NCOA2: variants seen among roughly 807,000 people sequenced by gnomAD.
NCOA2 encodes the protein class E basic helix-loop-helix protein 75.
Under a neutral mutation model 145.1 loss-of-function variants are expected in NCOA2, and 21 were observed. The ratio of observed to expected loss-of-function variants is 0.14; its 90% CI spans 0.10 to 0.21. The LOEUF (loss-of-function observed/expected upper bound fraction) is 0.21, where lower values mean the gene tolerates loss of function less well. Among genes scored for constraint, NCOA2 ranks in the 10% least tolerant of loss-of-function variants. NCOA2 has a pLI of 1.00. For synonymous variants in NCOA2, 619 were observed against 637.5 expected (o/e 0.97, Z 0.44); for missense variants, 1,472 against 1,837.6 (o/e 0.80, Z 3.64).
At chr8:70,179,169 T>A (rs1353899673) in intron 4 of NCOA2, among the ~76,000 whole-genome samples, 1 of 152,210 alleles carries the variant, frequency 6.6e-6, no homozygotes, top group African/African-American at 2.4e-5. Context: ...ATGAAACATA[T>A]GTATTTTCTA....
In NCOA2 at chr8:70,403,793, C is replaced by G. The variant is rs545542811; in HGVS notation, c.-170G>C. The G allele has an allele frequency of 1.0e-5, 4 of 397,832 alleles. No homozygotes were observed. Among genetic ancestry groups the G allele is most frequent in the Non-Finnish European group, 1.8e-5 (4 of 225,566 alleles). The allele number at this position is 397,832 out of a possible 1,614,324, so 24.6% of individuals were successfully genotyped here. On this transcript the variant is annotated 5_prime_UTR_variant, in exon 1 of 23. Coordinates refer to ENST00000452400, the MANE Select transcript of NCOA2 (RefSeq NM_006540.4). The stretch of plus-strand genomic sequence containing the variant: ...GCCGAGGCTGCGGCCGCCATGTTCC[C>G]GTGTTAATAACTGCTGCCTGGTTGT...
At chr8:70,384,422 G>T (rs1050257657) in intron 1 of NCOA2, among the ~76,000 whole-genome samples, 2 of 152,104 alleles carry the variant, frequency 1.3e-5, no homozygotes, top group East Asian at 1.9e-4. Context: ...CTCAAAAGGG[G>T]TTTTATTTTA....
intron 2 of NCOA2, chr8:70,245,223 C>T (rs565494918): frequency 2.3e-4 from 35 of 152,182 alleles, no homozygotes; most frequent in African/African-American, 7.2e-4. Context: ...AGCACCCCGC[C>T]GCTTATCTCC....
At chr8:70,121,507 G>T in intron 21 of NCOA2, 116 bp from the exon 22 acceptor site, 1 of 716,386 alleles carries the variant, frequency 1.4e-6, no homozygotes, top group South Asian at 1.6e-5. Context: ...CGGGGAAAAG[G>T]AACTGCAGAA....
intron 1 of NCOA2, among the ~76,000 whole-genome samples, chr8:70,306,196 C>A (rs1404306896): frequency 6.6e-6 from 1 of 152,164 alleles, no homozygotes; most frequent in Non-Finnish European, 1.5e-5. Context: ...ACTTAGAAAT[C>A]ACGTTTCAAC....
Position 70,400,206 on chromosome 8 carries a change from A to C in NCOA2, c.-77+3494T>G, listed in dbSNP as rs1242006198. 4.6e-5 allele frequency among the ~76,000 whole-genome samples: 7 copies of C among 152,200 alleles called. No individual in the cohort carries two copies. The East Asian group carries it at 1.3e-3, about 29-fold the overall frequency. On this transcript the variant is annotated intron_variant, in intron 1 of 22. Coordinates refer to ENST00000452400, the MANE Select transcript of NCOA2 (RefSeq NM_006540.4). ...CTACTCAAAACATAATAAATCCGTA[A>C]TTGGTGAGCTCCTTTTCTACCCTCC...
intron 1 of NCOA2, among the ~76,000 whole-genome samples, chr8:70,321,033 C>T (rs1806010192): frequency 6.6e-6 from 1 of 152,118 alleles, no homozygotes; most frequent in African/African-American, 2.4e-5. Flanking sequence ...GTGTTTTAAA[C>T]CTTCAATAAT....
chr8:70,176,740 G>C (rs1814893992), intron 4 of NCOA2, among the ~76,000 whole-genome samples: 1 of 152,168 alleles, frequency 6.6e-6, no homozygotes, highest in African/African-American at 2.4e-5. Context: ...AATAGGATTT[G>C]TACTGCTACC....
intron 5 of NCOA2, among the ~76,000 whole-genome samples, chr8:70,172,352 A>C (rs1814350469): frequency 6.6e-6 from 1 of 152,142 alleles, no homozygotes; most frequent in Non-Finnish European, 1.5e-5. Flanking sequence ...CTTTTTCCCT[A>C]GTTTGTTTTT....
chr8:70,400,394 T>G (rs558295428), intron 1 of NCOA2, among the ~76,000 whole-genome samples: 1 of 151,928 alleles, frequency 6.6e-6, no homozygotes, highest in Admixed American at 6.6e-5. Context: ...GAGGTTTTTT[T>G]CCCCCCAAGC....
intron 2 of NCOA2, among the ~76,000 whole-genome samples, chr8:70,257,180 T>C (rs1338624465): frequency 6.6e-6 from 1 of 152,168 alleles, no homozygotes; most frequent in Non-Finnish European, 1.5e-5. Context: ...GAGTCCCAAA[T>C]CCTTGGTTTT....
chr8:70,456,188 A>T, the NCOA2 span, among the ~76,000 whole-genome samples: 4 of 152,130 alleles, frequency 2.6e-5, no homozygotes, highest in African/African-American at 9.7e-5. Context: ...CTGCACCTAT[A>T]AAAGGAGGGA....
chr8:70,177,888 T>G (rs1815044857), intron 4 of NCOA2, among the ~76,000 whole-genome samples: 1 of 152,180 alleles, frequency 6.6e-6, no homozygotes, highest in Non-Finnish European at 1.5e-5. Context: ...TAGTAATGAA[T>G]TATTGTTTCC....
At position 70,218,199 on chromosome 8, in the gene NCOA2, G is replaced by GTTTT. The variant is rs34322124; in HGVS notation, c.-19-1439_-19-1436dup. 3.1e-3 allele frequency among the ~76,000 whole-genome samples: 414 copies of GTTTT among 133,810 alleles called. 7 individuals are homozygous for GTTTT. The highest frequency in any genetic ancestry group is 0.01 in the African/African-American group (360 of 35,048). 87.8% of individuals were successfully genotyped at this position (133,810 alleles called of 152,430 possible). A position where few individuals can be genotyped will look rare whatever the true frequency, so the allele number is the denominator to read the frequency against. On this transcript the variant is annotated intron_variant, in intron 2 of 22. Coordinates refer to ENST00000452400, the MANE Select transcript of NCOA2 (RefSeq NM_006540.4). ...CTGATACAATAGCGCAGTGGAGTTA[G>GTTTT]TTTTTTTTTTTTTTTTTTTAAAGAG...
chr8:70,234,497 C>CA (rs962337720), intron 2 of NCOA2, among the ~76,000 whole-genome samples: 1 of 151,516 alleles, frequency 6.6e-6, no homozygotes, highest in Non-Finnish European at 1.5e-5. Context: ...AAGGATTCCA[C>CA]TTTTTTTTTC....
At chr8:70,202,961 G>A (rs945361130) in intron 4 of NCOA2, among the ~76,000 whole-genome samples, 2 of 152,128 alleles carry the variant, frequency 1.3e-5, no homozygotes, top group Non-Finnish European at 2.9e-5. Flanking sequence ...GGGAGGCTGA[G>A]GTGGCCGGAT....
At chr8:70,161,203 C>A (rs1256164317) in intron 9 of NCOA2, among the ~76,000 whole-genome samples, 1 of 152,216 alleles carries the variant, frequency 6.6e-6, no homozygotes, top group Non-Finnish European at 1.5e-5. Flanking sequence ...TGGGTCCCAT[C>A]TGTTTAAATC....
intron 2 of NCOA2, among the ~76,000 whole-genome samples, chr8:70,236,610 G>T (rs777957871): frequency 2.0e-5 from 3 of 151,884 alleles, no homozygotes; most frequent in Non-Finnish European, 2.9e-5. Flanking sequence ...TATACAGCTG[G>T]CCCTCTCCGT....
chr8:70,184,214 C>T (rs971453744), intron 4 of NCOA2, among the ~76,000 whole-genome samples: 8 of 152,198 alleles, frequency 5.3e-5, no homozygotes, highest in African/African-American at 1.7e-4. Flanking sequence ...GCTTTCTCTA[C>T]ACCTGAGCCA....
Sources: gnomAD v4.1 joint callset for allele counts (sites outside exome capture counted in the v4.1 genomes callset) on GRCh38, gnomAD v4.1.1 for gene constraint, MANE v1.5 for transcripts, NCBI Gene and HGNC (gene_info 2026-07-23, HGNC 2026-07-21) for gene names.